TMEM245: variants seen among roughly 807,000 people sequenced by gnomAD.
TMEM245 encodes transmembrane protein 245.
TMEM245 carries 69 observed loss-of-function variants against 101.2 expected under a neutral mutation model. That is an observed-to-expected ratio of 0.68 (90% CI 0.56 to 0.83). The LOEUF is 0.83. Ranked by LOEUF, TMEM245 falls within the 40% of genes least tolerant of loss-of-function variation. The probability of loss-of-function intolerance (pLI) is 0.00; values close to 1 mark genes in which losing one functional copy is unlikely to be tolerated. For synonymous variants in TMEM245, 537 were observed against 449.8 expected (o/e 1.19, Z -2.45); for missense variants, 1,075 against 1,092.8 (o/e 0.98, Z 0.23).
chr9:109,035,138 T>C (rs967026983), intron 16 of TMEM245, among the ~76,000 whole-genome samples: 20 of 115,492 alleles, frequency 1.7e-4, no homozygotes, highest in African/African-American at 5.3e-4. Flanking sequence ...GCCTGGGTGA[T>C]AGAGGGAGAC....
chr9:109,090,907 TAAC>T lies in TMEM245; in HGVS notation c.1150+12_1150+14del. On this transcript the variant is annotated intron_variant, in intron 5 of 17. Coordinates refer to ENST00000374586, the MANE Select transcript of TMEM245 (RefSeq NM_032012.4). ...TTCAAAGACAAGACGAGATCGTACT[TAAC>T]CAGATAACGACCTGCAATCGGCACT... 6.2e-7 allele frequency: 1 copy of T among 1,611,642 alleles called. No individual in the cohort carries two copies. Among genetic ancestry groups the T allele is most frequent in the Non-Finnish European group, 8.5e-7 (1 of 1,177,880 alleles).
chr9:109,069,605 C>G (rs189944770), intron 9 of TMEM245, among the ~76,000 whole-genome samples: 1 of 152,264 alleles, frequency 6.6e-6, no homozygotes, highest in Admixed American at 6.5e-5. Flanking sequence ...ACCTGCTTTC[C>G]CCAGCTGTTC....
chr9:109,079,670 G>A (rs933333401), intron 8 of TMEM245, among the ~76,000 whole-genome samples: 2 of 151,626 alleles, frequency 1.3e-5, no homozygotes, highest in East Asian at 3.9e-4. Context: ...AGCAGGGGAT[G>A]AACAAAGAAA....
intron 16 of TMEM245, among the ~76,000 whole-genome samples, chr9:109,034,864 A>T (rs1020813885): frequency 1.3e-5 from 2 of 152,200 alleles, no homozygotes; most frequent in Non-Finnish European, 2.9e-5. Context: ...ACGTTTAAAG[A>T]CAGTATTTTA....
chr9:109,057,598 A>C (rs1276922298), intron 11 of TMEM245, among the ~76,000 whole-genome samples: 1 of 152,084 alleles, frequency 6.6e-6, no homozygotes, highest in Non-Finnish European at 1.5e-5. Flanking sequence ...TAAAAATACA[A>C]AAATTAGCCA....
chr9:109,064,679 C>T (rs555470112), intron 9 of TMEM245, 112 bp from the exon 10 acceptor site: 1 of 777,752 alleles, frequency 1.3e-6, no homozygotes, highest in South Asian at 1.9e-5. Context: ...TGATCATTCA[C>T]CAATACACAG....
chr9:109,036,225 T>C lies in TMEM245; in HGVS notation c.2380A>G (p.Ile794Val), dbSNP rs773364499. 29 of 1,611,412 alleles carry C rather than the reference T, an allele frequency of 1.8e-5. No homozygotes were observed. Among genetic ancestry groups the C allele is most frequent in the African/African-American group, 2.7e-5 (2 of 74,660 alleles). ...LLPTYFVDTA[I>V]YSDISGGGHP... is the part of the protein sequence containing the mutation. ...ACTTACCCTGATATGTCAGAGTAGA[T>C]TGCAGTATCTACAAAGTATGTTGGC... Residue 794 changes from isoleucine (I) to valine (V), a missense_variant, in exon 16 of 18, where the codon ATC (isoleucine) becomes GTC (valine). Physicochemically the swap from Ile to Val is conservative, Grantham distance 29 (BLOSUM62 3). Coordinates refer to ENST00000374586, the MANE Select transcript of TMEM245 (RefSeq NM_032012.4).
chr9:109,039,376 A>G (rs1411166314), intron 14 of TMEM245: 1 of 152,226 alleles, frequency 6.6e-6, no homozygotes, highest in East Asian at 1.9e-4. Flanking sequence ...CTCAACAACT[A>G]AACAGAGAGG....
rs527656572 is a variant in TMEM245 at position 109,021,453 on chromosome 9, C to T, written c.2595-948G>A. The stretch of plus-strand genomic sequence containing the variant: ...ATATTGCTCCTTTACAATAAGTCCA[C>T]ATATTAGAAATACAGAAAAATATTT... On this transcript the variant is annotated intron_variant, in intron 17 of 17. Transcript: ENST00000374586. Among the ~76,000 whole-genome samples, 38 of 152,266 alleles carry T rather than the reference C, an allele frequency of 2.5e-4. No individual in the cohort carries two copies. The South Asian group carries it at 7.5e-3, about 30-fold the overall frequency.
rs1827576511 is a variant in TMEM245, at chr9:109,020,193, G to A, written c.*267C>T. On this transcript the variant is annotated 3_prime_UTR_variant, in exon 18 of 18. Coordinates refer to ENST00000374586, the MANE Select transcript of TMEM245 (RefSeq NM_032012.4). ...AAAAATTTCAAGCCAGGGTACCAGT[G>A]TATAAAATGAAACTTTTCAAGCCAT... 2.1e-6 allele frequency: 1 copy of A among 468,464 alleles called. No individual in the cohort carries two copies. Among genetic ancestry groups the A allele is most frequent in the Non-Finnish European group, 3.9e-6 (1 of 254,852 alleles). 29.0% of individuals were successfully genotyped at this position (468,464 alleles called of 1,614,324 possible).
At chr9:109,062,178 T>G (rs1039044827) in intron 10 of TMEM245, among the ~76,000 whole-genome samples, 1 of 151,886 alleles carries the variant, frequency 6.6e-6, no homozygotes, top group Non-Finnish European at 1.5e-5. Flanking sequence ...GCTAATTTTC[T>G]TATTTTTTGT....
chr9:109,114,640 A>C (rs1308310948), intron 1 of TMEM245, among the ~76,000 whole-genome samples: 1 of 152,220 alleles, frequency 6.6e-6, no homozygotes, highest in African/African-American at 2.4e-5. Context: ...AGACCACAGA[A>C]AAAACAAATC....
intron 8 of TMEM245, among the ~76,000 whole-genome samples, chr9:109,074,263 A>G (rs1038082761): frequency 2.6e-5 from 4 of 152,132 alleles, no homozygotes; most frequent in African/African-American, 7.2e-5. Context: ...AATGGGAATT[A>G]ATCAGTTGAA....
rs1293715216 is a variant in TMEM245 at position 109,019,962 on chromosome 9, G to T, written c.*498C>A. Reference sequence around the variant, plus strand: ...TATAATACATTGTGGGAGAAGGGTAGAAGATTCATTTTTCCTGCTCACTCA... The same window carrying T: ...TATAATACATTGTGGGAGAAGGGTATAAGATTCATTTTTCCTGCTCACTCA... On this transcript the variant is annotated 3_prime_UTR_variant, in exon 18 of 18. Coordinates refer to ENST00000374586, the MANE Select transcript of TMEM245 (RefSeq NM_032012.4). 6.5e-6 allele frequency: 1 copy of T among 153,002 alleles called. No individual in the cohort carries two copies. Among genetic ancestry groups the T allele is most frequent in the Non-Finnish European group, 1.5e-5 (1 of 68,720 alleles). 9.5% of individuals were successfully genotyped at this position (153,002 alleles called of 1,614,324 possible).
intron 1 of TMEM245, among the ~76,000 whole-genome samples, chr9:109,115,480 A>G (rs1830695820): frequency 6.6e-6 from 1 of 150,436 alleles, no homozygotes; most frequent in Non-Finnish European, 1.5e-5. Context: ...CTAGATGACT[A>G]GAATGCTGAT....
chr9:109,087,038 A>G, intron 6 of TMEM245, 135 bp downstream of exon 6: 1 of 765,058 alleles, frequency 1.3e-6, no homozygotes, highest in South Asian at 3.6e-5. Context: ...AATTTTAAAC[A>G]TTAAACTTTC....
intron 9 of TMEM245, among the ~76,000 whole-genome samples, chr9:109,068,490 A>T (rs2132468394): frequency 6.6e-6 from 1 of 151,752 alleles, no homozygotes; most frequent in East Asian, 1.9e-4. Context: ...AAAACAAAAA[A>T]CTTAGCCAGG....
At chr9:109,065,203 T>C (rs1829131025) in intron 9 of TMEM245, among the ~76,000 whole-genome samples, 1 of 152,096 alleles carries the variant, frequency 6.6e-6, no homozygotes, top group South Asian at 2.1e-4. Flanking sequence ...CCAAAGAAAA[T>C]GGTTCTGGGA....
chr9:109,049,503 C>T (rs1160955349), intron 14 of TMEM245, among the ~76,000 whole-genome samples: 1 of 152,130 alleles, frequency 6.6e-6, no homozygotes, highest in African/African-American at 2.4e-5. Flanking sequence ...TGTGAGCCAC[C>T]GCGCCCAGTC....
Sources: gnomAD v4.1 joint callset for allele counts (sites outside exome capture counted in the v4.1 genomes callset) on GRCh38, gnomAD v4.1.1 for gene constraint, MANE v1.5 for transcripts, NCBI Gene and HGNC (gene_info 2026-07-23, HGNC 2026-07-21) for gene names.